Variants in CA10 observed in about 807,000 individuals in gnomAD.
The protein encoded by CA10 is carbonic anhydrase-related protein 10.
A neutral mutation model predicts 44.2 loss-of-function variants in CA10; 14 were observed. The ratio of observed to expected loss-of-function variants is 0.32; its 90% CI spans 0.21 to 0.50. The LOEUF (loss-of-function observed/expected upper bound fraction) is 0.50, where lower values mean the gene tolerates loss of function less well. CA10 is among the 20% of genes least tolerant of loss of function. The pLI, the probability that CA10 is intolerant of heterozygous loss-of-function variation, is 0.99. For missense variants in CA10, 350 were observed against 409.7 expected (o/e 0.85, Z 1.26); for synonymous variants, 159 against 141.6 (o/e 1.12, Z -0.87).
intron 6 of CA10, among the ~76,000 whole-genome samples, chr17:51,642,248 A>G (rs1597956981): frequency 1.3e-5 from 2 of 152,312 alleles, no homozygotes; most frequent in South Asian, 4.2e-4. Context: ...GCATTTCCAA[A>G]GCCGTTCCTT....
intron 3 of CA10, among the ~76,000 whole-genome samples, chr17:51,903,682 C>A (rs1981418085): frequency 6.6e-6 from 1 of 152,150 alleles, no homozygotes; most frequent in Admixed American, 6.6e-5. Context: ...CTGTAGCCAC[C>A]TCACAGAATA....
At chr17:52,073,079 T>C (rs1270546841) in intron 1 of CA10, among the ~76,000 whole-genome samples, 1 of 152,192 alleles carries the variant, frequency 6.6e-6, no homozygotes, top group Non-Finnish European at 1.5e-5. Flanking sequence ...CCCCAAAGTA[T>C]ACATGATACA....
chr17:51,973,239 C>G lies in CA10; in HGVS notation c.137-42107G>C, dbSNP rs191049039. Among the ~76,000 whole-genome samples, 89 of 152,326 alleles carry G rather than the reference C, an allele frequency of 5.8e-4. 1 individual carries two copies. Among genetic ancestry groups the G allele is most frequent in the Non-Finnish European group, 6.9e-4 (47 of 68,024 alleles). ...ACACCAAGTGAGATCCATACTGATC[C>G]TGAATTGTTGCCAGAGGGCACATTT... On this transcript the variant is annotated intron_variant, in intron 2 of 8. Coordinates refer to ENST00000451037, the MANE Select transcript of CA10 (RefSeq NM_020178.5).
chr17:51,747,538 G>A (rs1904733591), intron 4 of CA10, 95 bp downstream of exon 4: 4 of 1,003,254 alleles, frequency 4.0e-6, no homozygotes, highest in Non-Finnish European at 4.4e-6. Context: ...AGATTAGAGC[G>A]AATCCCTTTG....
At chr17:51,644,940 A>C (rs1913258072) in intron 6 of CA10, among the ~76,000 whole-genome samples, 1 of 151,638 alleles carries the variant, frequency 6.6e-6, no homozygotes, top group African/African-American at 2.4e-5. Context: ...CTGGAATTAC[A>C]GGCGCGCGCC....
intron 3 of CA10, among the ~76,000 whole-genome samples, chr17:51,832,478 A>G (rs145921035): frequency 1.3e-5 from 2 of 152,318 alleles, no homozygotes; most frequent in African/African-American, 4.8e-5. Flanking sequence ...AATCTCACAT[A>G]ACACCTTTAT....
chr17:51,956,208 C>T (rs1011485038), intron 2 of CA10, among the ~76,000 whole-genome samples: 1 of 152,090 alleles, frequency 6.6e-6, no homozygotes, highest in Middle Eastern at 3.4e-3. Flanking sequence ...CTTGGTTCTC[C>T]ATGTAAGTCT....
chr17:51,747,760 T>G lies in CA10; in HGVS notation c.338A>C (p.His113Pro). ...RHVSLRLDKE[H>P]LVNISGGPMT... Reference sequence around the variant, plus strand: ...GGGCCCTCCAGATATGTTGACCAAGTGCTCCTTGTCCAGGCGAAGGGATAC... The same window carrying G: ...GGGCCCTCCAGATATGTTGACCAAGGGCTCCTTGTCCAGGCGAAGGGATAC... The change falls in exon 4 of 9, where the codon CAC (histidine) becomes CCC (proline). Residue 113 changes from histidine to proline, a missense_variant. Coordinates refer to ENST00000451037, the MANE Select transcript of CA10 (RefSeq NM_020178.5). 1 of 1,614,158 alleles carries G rather than the reference T, an allele frequency of 6.2e-7. No individual in the cohort carries two copies. The highest frequency in any genetic ancestry group is 8.5e-7 in the Non-Finnish European group (1 of 1,179,986).
At chr17:52,092,367 A>C (rs911597051) in intron 1 of CA10, among the ~76,000 whole-genome samples, 6 of 152,208 alleles carry the variant, frequency 3.9e-5, no homozygotes, top group African/African-American at 1.4e-4. Flanking sequence ...AAAACCAAAA[A>C]CTTTTCTTAT....
chr17:51,671,503 C>G (rs972202973), intron 4 of CA10, among the ~76,000 whole-genome samples: 13 of 152,156 alleles, frequency 8.5e-5, no homozygotes, highest in Non-Finnish European at 1.8e-4. Flanking sequence ...CTCCCGGGTT[C>G]ACGCCGTTCT....
At chr17:52,077,933 T>C (rs1164481443) in intron 1 of CA10, among the ~76,000 whole-genome samples, 1 of 152,166 alleles carries the variant, frequency 6.6e-6, no homozygotes, top group African/African-American at 2.4e-5. Flanking sequence ...CTTTTGTTCT[T>C]CCCACAAGTC....
At chr17:51,695,352 G>T (rs1247449473) in intron 4 of CA10, among the ~76,000 whole-genome samples, 1 of 151,604 alleles carries the variant, frequency 6.6e-6, no homozygotes, top group Non-Finnish European at 1.5e-5. Context: ...TTTTGTTTTT[G>T]TTTTTGTAAT....
chr17:51,665,964 C>A (rs950541428), intron 4 of CA10, among the ~76,000 whole-genome samples: 1 of 152,238 alleles, frequency 6.6e-6, no homozygotes, highest in African/African-American at 2.4e-5. Flanking sequence ...GAAGGCTAGG[C>A]AAAGGCCATG....
rs11868367 is a variant in CA10, at chr17:51,833,935, G to A, written c.280-86117C>T. The stretch of plus-strand genomic sequence containing the variant: ...AATTTAATTTCCACTGCCAAGTACG[G>A]AGAAGCCACTGGAGGCACTGTAATG... On this transcript the variant is annotated intron_variant, in intron 3 of 8. Coordinates refer to ENST00000451037, the MANE Select transcript of CA10 (RefSeq NM_020178.5). Among the ~76,000 whole-genome samples, 1,451 of 152,320 alleles carry A rather than the reference G, an allele frequency of 9.5e-3. 19 individuals carry two copies. The highest frequency in any genetic ancestry group is 0.031 in the African/African-American group (1,297 of 41,568).
chr17:52,156,875 G>A (rs1989814666), intron 1 of CA10, among the ~76,000 whole-genome samples: 1 of 152,144 alleles, frequency 6.6e-6, no homozygotes, highest in Non-Finnish European at 1.5e-5. Context: ...TGCTGGTCCA[G>A]GGGCTTTCCC....
intron 4 of CA10, among the ~76,000 whole-genome samples, chr17:51,689,076 GT>G (rs1288886504): frequency 1.3e-5 from 2 of 152,154 alleles, no homozygotes; most frequent in African/African-American, 4.8e-5. Context: ...TCCCAATGTG[GT>G]GCTCTCAACC....
At chr17:51,908,562 C>A (rs1981660169) in intron 3 of CA10, among the ~76,000 whole-genome samples, 1 of 151,688 alleles carries the variant, frequency 6.6e-6, no homozygotes, top group Non-Finnish European at 1.5e-5. Flanking sequence ...CAGCATTCAA[C>A]TCCACATCTT....
intron 4 of CA10, among the ~76,000 whole-genome samples, chr17:51,684,140 C>G (rs1441242133): frequency 2.0e-5 from 3 of 152,130 alleles, no homozygotes; most frequent in Non-Finnish European, 4.4e-5. Flanking sequence ...AATAGTGGAG[C>G]AGGGAGAGCA....
At chr17:51,847,174 T>C (rs1276858958) in intron 3 of CA10, among the ~76,000 whole-genome samples, 1 of 152,232 alleles carries the variant, frequency 6.6e-6, no homozygotes, top group African/African-American at 2.4e-5. Flanking sequence ...ATCAGCCCTC[T>C]TTCCTTAATC....
Sources: gnomAD v4.1 joint callset for allele counts (sites outside exome capture counted in the v4.1 genomes callset) on GRCh38, gnomAD v4.1.1 for gene constraint, MANE v1.5 for transcripts, NCBI Gene and HGNC (gene_info 2026-07-23, HGNC 2026-07-21) for gene names.